Variants in TIAM1 observed in about 807,000 individuals in gnomAD.
TIAM1 encodes the protein rho guanine nucleotide exchange factor TIAM1.
A neutral mutation model predicts 163.5 loss-of-function variants in TIAM1; 65 were observed. The ratio of observed to expected loss-of-function variants is 0.40; its 90% CI spans 0.33 to 0.49. The LOEUF (loss-of-function observed/expected upper bound fraction) is 0.49, where lower values mean the gene tolerates loss of function less well. Ranked by LOEUF, TIAM1 falls within the 20% of genes least tolerant of loss-of-function variation. TIAM1 has a pLI of 0.77. For synonymous variants in TIAM1, 833 were observed against 810.1 expected (o/e 1.03, Z -0.48); for missense variants, 1,789 against 2,044.7 (o/e 0.87, Z 2.41).
chr21:31,197,113 G>A (rs565454433), intron 12 of TIAM1, among the ~76,000 whole-genome samples: 6 of 152,274 alleles, frequency 3.9e-5, no homozygotes, highest in Non-Finnish European at 7.4e-5. Flanking sequence ...GAGGACAAGG[G>A]TTGTGAGACT....
chr21:31,217,651 T>C lies in TIAM1; in HGVS notation c.2044A>G (p.Met682Val), dbSNP rs995480249. The C allele has an allele frequency of 1.1e-5, 17 of 1,613,838 alleles. No individual in the cohort carries two copies. The East Asian group carries it at 1.3e-4, about 13-fold the overall frequency. The change falls in exon 9 of 28, where the codon ATG becomes GTG. Residue 682 changes from methionine to valine, a missense_variant. By Grantham distance (21) the Met-to-Val change is conservative. Around this residue, in one of 5 missense-constraint regions of TIAM1, gnomAD observed 456 missense variants for 586.6 expected, o/e 0.78. Coordinates refer to ENST00000541036, the MANE Select transcript of TIAM1 (RefSeq NM_001353694.2). ...CTTCGCTTGCTCGCGGATCTGGACA[T>C]GGCCTGAGTACGTCTTCTCACTCCA... The part of the protein sequence containing the change: ...ETGVRRRTQA[M>V]SRSASKRRSR...
intron 2 of TIAM1, among the ~76,000 whole-genome samples, chr21:31,423,404 T>C (rs2043654713): frequency 6.6e-6 from 1 of 152,052 alleles, no homozygotes. Flanking sequence ...AGCCTGGCAC[T>C]ATCTTGAAGA....
chr21:31,301,300 T>G (rs911951377), intron 2 of TIAM1, among the ~76,000 whole-genome samples: 1 of 152,172 alleles, frequency 6.6e-6, no homozygotes, highest in Non-Finnish European at 1.5e-5. Flanking sequence ...ACAGTGGAAT[T>G]TAAAATTCTA....
In TIAM1 at chr21:31,203,060, A is replaced by G. The variant is rs368069938; in HGVS notation, c.2389-48T>C. 7.0e-6 allele frequency: 10 copies of G among 1,429,334 alleles called. No individual in the cohort carries two copies. The African/African-American group carries it at 8.4e-5, about 12-fold the overall frequency. 88.5% of individuals were successfully genotyped at this position (1,429,334 alleles called of 1,614,324 possible). A position where few individuals can be genotyped will look rare whatever the true frequency, so the allele number is the denominator to read the frequency against. ...AAAGAAAATGTCTGTTCAATAGTAA[A>G]TAGGCACAATTAGTTCTCCACCAAC... On this transcript the variant is annotated intron_variant, in intron 11 of 27. Coordinates refer to ENST00000541036, the MANE Select transcript of TIAM1 (RefSeq NM_001353694.2).
chr21:31,308,023 C>T (rs780505929), intron 2 of TIAM1, among the ~76,000 whole-genome samples: 22 of 152,080 alleles, frequency 1.4e-4, no homozygotes, highest in African/African-American at 2.2e-4. Context: ...ACTTGAGAAA[C>T]GAAATCGGAA....
intron 27 of TIAM1, among the ~76,000 whole-genome samples, chr21:31,121,960 G>A (rs1568860861): frequency 6.6e-6 from 1 of 152,078 alleles, no homozygotes; most frequent in Non-Finnish European, 1.5e-5. Context: ...AACGCCAACT[G>A]GGAGCTGCTT....
chr21:31,186,963 T>C (rs542922088), intron 14 of TIAM1, 38 bp downstream of exon 14: 10 of 1,579,446 alleles, frequency 6.3e-6, no homozygotes, highest in Admixed American at 1.7e-5. Context: ...CCAAAGGGCA[T>C]TTAAGACAGA....
chr21:31,483,068 G>C (rs1281340246), intron 1 of TIAM1, among the ~76,000 whole-genome samples: 1 of 152,186 alleles, frequency 6.6e-6, no homozygotes, highest in Non-Finnish European at 1.5e-5. Context: ...GGCTGTAAAG[G>C]CCATGGTCTT....
chr21:31,286,832 G>A (rs1015192973), intron 2 of TIAM1, among the ~76,000 whole-genome samples: 2 of 152,174 alleles, frequency 1.3e-5, no homozygotes, highest in African/African-American at 4.8e-5. Flanking sequence ...GACTTTGTCA[G>A]AGGTACCACA....
At chr21:31,304,608 C>G (rs2074624828) in intron 2 of TIAM1, among the ~76,000 whole-genome samples, 1 of 152,146 alleles carries the variant, frequency 6.6e-6, no homozygotes, top group African/African-American at 2.4e-5. Context: ...GCTGAAAATT[C>G]AATAAGACAA....
chr21:31,256,729 C>G (rs2072132555), intron 4 of TIAM1, among the ~76,000 whole-genome samples: 1 of 152,020 alleles, frequency 6.6e-6, no homozygotes, highest in Admixed American at 6.6e-5. Context: ...GTAAATGACT[C>G]TGAACCAATC....
At chr21:31,350,546 T>TGTTCTCGTGATAGTGAGTCA (rs1245718201) in intron 2 of TIAM1, among the ~76,000 whole-genome samples, 3 of 152,198 alleles carry the variant, frequency 2.0e-5, no homozygotes, top group Non-Finnish European at 4.4e-5. Context: ...CCCTTGGTGC[T>TGTTCTCGTGATAGTGAGTCA]GTTCTCGTGA....
rs1188966668 is a variant in TIAM1 at position 31,395,055 on chromosome 21, C to A, written c.-368-55633G>T. Among the ~76,000 whole-genome samples the A allele has an allele frequency of 6.6e-6, 1 of 151,978 alleles. No individual in the cohort carries two copies. The highest frequency in any genetic ancestry group is 1.5e-5 in the Non-Finnish European group (1 of 67,994). Reference sequence around the variant, plus strand: ...AAGTTCAAGACCAGCCTGGCCAACACAGTGAAACCCCGTATCTACCAAAAA... The same window carrying A: ...AAGTTCAAGACCAGCCTGGCCAACAAAGTGAAACCCCGTATCTACCAAAAA... On this transcript the variant is annotated intron_variant, in intron 2 of 28. Coordinates refer to the TIAM1 transcript ENST00000286827. The surrounding 1 kb of genome is among the most constrained non-coding windows in gnomAD (Gnocchi z 7.5).
At chr21:31,255,882 A>T (rs1349008738) in intron 4 of TIAM1, among the ~76,000 whole-genome samples, 2 of 152,332 alleles carry the variant, frequency 1.3e-5, no homozygotes, top group East Asian at 3.9e-4. Flanking sequence ...GAGGCTCTTC[A>T]ATCCTGTTCT....
chr21:31,125,765 G>A (rs2082173679), intron 26 of TIAM1, among the ~76,000 whole-genome samples: 1 of 152,146 alleles, frequency 6.6e-6, no homozygotes, highest in Non-Finnish European at 1.5e-5. Context: ...AGTGGAGACG[G>A]GGCTTTGCCA....
At chr21:31,124,258 G>A (rs56964039) in intron 27 of TIAM1, 22,728 of 360,236 alleles carry the variant, frequency 0.063, 2,210 homozygotes, top group African/African-American at 0.28. Flanking sequence ...GCAAATGAGG[G>A]AGGAGCTCAC....
intron 3 of TIAM1, among the ~76,000 whole-genome samples, chr21:31,275,343 G>A (rs2073251561): frequency 6.6e-6 from 1 of 152,052 alleles, no homozygotes; most frequent in Admixed American, 6.6e-5. Flanking sequence ...CATGCCAACA[G>A]GTTTTTAAGT....
intron 2 of TIAM1, among the ~76,000 whole-genome samples, chr21:31,434,170 G>T (rs534939155): frequency 2.9e-4 from 44 of 152,166 alleles, no homozygotes; most frequent in African/African-American, 9.4e-4. Context: ...ATATATTGCA[G>T]AACTTCTACA....
chr21:31,459,919 A>C (rs1345606752), intron 2 of TIAM1, among the ~76,000 whole-genome samples: 1 of 152,210 alleles, frequency 6.6e-6, no homozygotes, highest in Admixed American at 6.5e-5. Context: ...TGAGACTCTC[A>C]GCCTGAGGTT....
Sources: gnomAD v4.1 joint callset for allele counts (sites outside exome capture counted in the v4.1 genomes callset) on GRCh38, gnomAD v4.1.1 for gene constraint, gnomAD v4.1.1 regional missense constraint, Gnocchi (gnomAD v3.1) non-coding constraint, MANE v1.5 for transcripts, NCBI Gene and HGNC (gene_info 2026-07-23, HGNC 2026-07-21) for gene names.